Variants in AMACR observed in about 807,000 individuals in gnomAD.
AMACR encodes 2-methylacyl-CoA racemase.
Under a neutral mutation model 22.2 loss-of-function variants are expected in AMACR, and 18 were observed. The observed-to-expected ratio is 0.81, with a 90% CI of 0.56 to 1.20. AMACR has a LOEUF of 1.20. AMACR is among the 50% of genes most tolerant of loss of function. The probability of loss-of-function intolerance (pLI) is 0.00; values close to 1 mark genes in which losing one functional copy is unlikely to be tolerated. For synonymous variants in AMACR, 213 were observed against 191.3 expected, an observed-to-expected ratio of 1.11 and a Z score of -0.94; for missense variants, 499 against 490.6, an observed-to-expected ratio of 1.02 and a Z score of -0.16.
At chr5:33,997,957 T>G (rs961519462) in intron 4 of AMACR, among the ~76,000 whole-genome samples, 1 of 152,260 alleles carries the variant, frequency 6.6e-6, no homozygotes, top group Non-Finnish European at 1.5e-5. Context: ...GTAAATGCAC[T>G]GTGATCAGCT....
chr5:34,006,270 T>A (rs1275750484), intron 1 of AMACR, among the ~76,000 whole-genome samples: 1 of 152,228 alleles, frequency 6.6e-6, no homozygotes, highest in East Asian at 1.9e-4. Flanking sequence ...CATACACTTA[T>A]CTTCCCTATC....
In AMACR at chr5:33,987,019, T is replaced by TTCTA. The variant is rs1307819576; in HGVS notation, c.*2073_*2074insTAGA. The TTCTA allele has an allele frequency of 2.6e-5, 4 of 152,086 alleles. No homozygotes were observed. In the East Asian group the frequency reaches 7.7e-4, roughly 29 times the overall value. 9.4% of individuals were successfully genotyped at this position (152,086 alleles called of 1,614,324 possible). A position where few individuals can be genotyped will look rare whatever the true frequency, so the allele number is the denominator to read the frequency against. On this transcript the variant is annotated 3_prime_UTR_variant, in exon 5 of 5. Transcript: ENST00000335606. ...AAAACATCTTTTTTATTATTATTAT[T>TTCTA]TTTATTTATTTATTTAGAGACAGGT...
Position 33,989,413 on chromosome 5 carries a change from C to T in AMACR, c.829G>A (p.Glu277Lys), listed in dbSNP as rs2278008. 0.73 allele frequency: 1,177,512 copies of T among 1,613,936 alleles called. 435,111 individuals carry two copies. The highest frequency in any genetic ancestry group is 0.85 in the East Asian group (38,154 of 44,888). ...TGACACCACTCTGCCTTCGTCTTCT[C>T]TGCAAATACATCTGCAAACTTCTTC... Reference protein sequence around the residue: ...MKKKFADVFAEKTKAEWCQIF... With the variant: ...MKKKFADVFAKKTKAEWCQIF... Residue 277 changes from glutamate to lysine, a missense_variant, in exon 5 of 5, where the codon GAG becomes AAG. By Grantham distance (56) the Glu-to-Lys change is moderately conservative. Transcript: ENST00000335606.
chr5:34,006,056 G>A (rs1753967055), intron 1 of AMACR, among the ~76,000 whole-genome samples, 157 bp from the exon 2 acceptor site: 1 of 152,204 alleles, frequency 6.6e-6, no homozygotes, highest in Non-Finnish European at 1.5e-5. Flanking sequence ...GACTCAAAGA[G>A]TGAAGCCACC....
intron 4 of AMACR, among the ~76,000 whole-genome samples, chr5:33,992,594 C>T (rs955133647): frequency 6.6e-6 from 1 of 151,974 alleles, no homozygotes; most frequent in African/African-American, 2.4e-5. Context: ...CCTGTGGTCC[C>T]AGCTACACGA....
In AMACR at chr5:33,988,652, G is replaced by A. The variant is rs2112030998; in HGVS notation, c.*441C>T. 1 of 1,250,870 alleles carries A rather than the reference G, an allele frequency of 8.0e-7. No individual in the cohort carries two copies. The highest frequency in any genetic ancestry group is 3.7e-5 in the East Asian group (1 of 26,790). The allele number at this position is 1,250,870 out of a possible 1,614,324, so 77.5% of individuals were successfully genotyped here. A position where few individuals can be genotyped will look rare whatever the true frequency, so the allele number is the denominator to read the frequency against. On this transcript the variant is annotated 3_prime_UTR_variant, in exon 5 of 5. Coordinates refer to ENST00000335606, the MANE Select transcript of AMACR (RefSeq NM_014324.6). ...CATGAACACCAAGACAAAAGGCCTG[G>A]ATGCAACCAATCACTCTGTTTCACG...
rs748564160 is a variant in AMACR, at chr5:33,998,691, A to T, written c.689T>A (p.Phe230Tyr). 148 of 1,613,654 alleles carry T rather than the reference A, an allele frequency of 9.2e-5. No homozygotes were observed. The highest frequency in any genetic ancestry group is 1.2e-4 in the Non-Finnish European group (136 of 1,179,850). The change falls in exon 4 of 5, where the codon TTC (phenylalanine) becomes TAC (tyrosine). Residue 230 changes from phenylalanine (F) to tyrosine (Y), a missense_variant. Physicochemically the swap from Phe to Tyr is conservative, Grantham distance 22 (BLOSUM62 3). Coordinates refer to ENST00000335606, the MANE Select transcript of AMACR (RefSeq NM_014324.6). ...GGGTTCTATTGCTCCAACAGCCATG[A>T]ATTCCCCATCTGCTGTCCTGTAAGT... ...YTTYRTADGEFMAVGAIEPQF... is the reference protein window; with the variant it reads ...YTTYRTADGEYMAVGAIEPQF...
intron 1 of AMACR, among the ~76,000 whole-genome samples, chr5:34,006,409 TGA>T (rs1168216420): frequency 6.6e-6 from 1 of 152,206 alleles, no homozygotes; most frequent in Non-Finnish European, 1.5e-5. Flanking sequence ...CAATAGCACC[TGA>T]GAGTTTTTAA....
At chr5:34,007,188 C>T (rs549653258) in intron 1 of AMACR, among the ~76,000 whole-genome samples, 1 of 152,332 alleles carries the variant, frequency 6.6e-6, no homozygotes, top group South Asian at 2.1e-4. Context: ...GCAGCCTTGA[C>T]GGCGATGCCC....
rs1265714665 is a variant in AMACR at position 33,989,248 on chromosome 5, A to C, written c.994T>G (p.Leu332Val). ...AAAGAAGGGATGGCTGGGGTGTTTAACAGCAGAGGTGCAGGGCGGGGGCTC... is the reference window on the plus strand; with the variant it reads ...AAAGAAGGGATGGCTGGGGTGTTTACCAGCAGAGGTGCAGGGCGGGGGCTC... Reference protein sequence around the residue: ...DVSPRPAPLLLNTPAIPSFKR... With the variant: ...DVSPRPAPLLVNTPAIPSFKR... Residue 332 changes from leucine to valine, a missense_variant, in exon 5 of 5, where the codon TTA (leucine) becomes GTA (valine). Coordinates refer to ENST00000335606, the MANE Select transcript of AMACR (RefSeq NM_014324.6). 10 of 1,613,982 alleles carry C rather than the reference A, an allele frequency of 6.2e-6. No homozygotes were observed. Among genetic ancestry groups the C allele is most frequent in the Non-Finnish European group, 8.5e-6 (10 of 1,180,008 alleles).
At chr5:33,989,952 T>C (rs1294996891) in intron 4 of AMACR, among the ~76,000 whole-genome samples, 6 of 152,208 alleles carry the variant, frequency 3.9e-5, no homozygotes. Context: ...GAAGACAAAT[T>C]ATTTAATTCA....
Position 33,988,416 on chromosome 5 carries a change from G to A in AMACR, c.*677C>T, listed in dbSNP as rs1448753568. 2.5e-5 allele frequency: 39 copies of A among 1,536,260 alleles called. No homozygotes were observed. Among genetic ancestry groups the A allele is most frequent in the South Asian group, 3.6e-5 (3 of 83,918 alleles). ...GAAAGCTGACAGCCCAGAGACCCAC[G>A]GGGAAACAGGCCCCGAGTTACTGGA... On this transcript the variant is annotated 3_prime_UTR_variant, in exon 5 of 5. Coordinates refer to ENST00000335606, the MANE Select transcript of AMACR (RefSeq NM_014324.6).
chr5:34,006,926 T>C, intron 1 of AMACR, among the ~76,000 whole-genome samples: 1 of 152,214 alleles, frequency 6.6e-6, no homozygotes, highest in East Asian at 1.9e-4. Context: ...ACACCAGTTT[T>C]TAAAAGGCTG....
chr5:34,007,192 G>A (rs1280385090), intron 1 of AMACR, among the ~76,000 whole-genome samples: 1 of 152,240 alleles, frequency 6.6e-6, no homozygotes, highest in African/African-American at 2.4e-5. Flanking sequence ...CCTTGACGGC[G>A]ATGCCCAGGA....
intron 2 of AMACR, among the ~76,000 whole-genome samples, chr5:34,005,438 C>G (rs1260843169): frequency 6.6e-6 from 1 of 152,156 alleles, no homozygotes; most frequent in African/African-American, 2.4e-5. Flanking sequence ...TTTCAAACCA[C>G]AGAGCAACCA....
chr5:33,987,361 T>C lies in AMACR; in HGVS notation c.*1732A>G, dbSNP rs1212963232. The C allele has an allele frequency of 6.6e-6, 1 of 152,266 alleles. No individual in the cohort carries two copies. Among genetic ancestry groups the C allele is most frequent in the Non-Finnish European group, 1.5e-5 (1 of 68,046 alleles). The allele number at this position is 152,266 out of a possible 1,614,324, so 9.4% of individuals were successfully genotyped here. ...TAGAATATGAAAGCTTAAATTCTGA[T>C]TCTGCCCCTTCCTAGTTGCATATTC... On this transcript the variant is annotated 3_prime_UTR_variant, in exon 5 of 5. Transcript: ENST00000335606.
chr5:33,996,414 G>A (rs1753637404), intron 4 of AMACR, among the ~76,000 whole-genome samples: 1 of 152,098 alleles, frequency 6.6e-6, no homozygotes, highest in Non-Finnish European at 1.5e-5. Flanking sequence ...TCTCACCTCT[G>A]GCTGACCTTG....
chr5:33,993,727 C>T (rs1405778797), intron 4 of AMACR, among the ~76,000 whole-genome samples: 2 of 151,816 alleles, frequency 1.3e-5, no homozygotes, highest in Non-Finnish European at 1.5e-5. Context: ...GGTGAAACTC[C>T]GTCTCTACTA....
rs1753366981 is a variant in AMACR, at chr5:33,988,495, A to C, written c.*598T>G. On this transcript the variant is annotated 3_prime_UTR_variant, in exon 5 of 5. Coordinates refer to ENST00000335606, the MANE Select transcript of AMACR (RefSeq NM_014324.6). ...TCTGGACTCTACGTAGTGAGCCAAC[A>C]CATTTCCTCATTATTTTGGATATGT... 1 of 1,427,432 alleles carries C rather than the reference A, an allele frequency of 7.0e-7. No individual in the cohort carries two copies. Among genetic ancestry groups the C allele is most frequent in the East Asian group, 2.6e-5 (1 of 39,090 alleles). The allele number at this position is 1,427,432 out of a possible 1,614,324, so 88.4% of individuals were successfully genotyped here.
Sources: gnomAD v4.1 joint callset for allele counts (sites outside exome capture counted in the v4.1 genomes callset) on GRCh38, gnomAD v4.1.1 for gene constraint, MANE v1.5 for transcripts, NCBI Gene and HGNC (gene_info 2026-07-23, HGNC 2026-07-21) for gene names.